INSR: variants seen among roughly 807,000 people sequenced by gnomAD.
The protein encoded by INSR is IR.
Under a neutral mutation model 142.6 loss-of-function variants are expected in INSR, and 67 were observed. The observed-to-expected ratio is 0.47, with a 90% CI of 0.39 to 0.58. The LOEUF (loss-of-function observed/expected upper bound fraction) is 0.58, where lower values mean the gene tolerates loss of function less well. Among genes scored for constraint, INSR ranks in the 20% least tolerant of loss-of-function variants. The pLI is 0.00. For missense variants in INSR, 1,248 were observed against 1,833.2 expected, an observed-to-expected ratio of 0.68 and a Z score of 5.83; for synonymous variants, 756 against 743.1, an observed-to-expected ratio of 1.02 and a Z score of -0.28.
intron 2 of INSR, among the ~76,000 whole-genome samples, chr19:7,207,410 C>G (rs893426687): frequency 6.6e-6 from 1 of 151,536 alleles, no homozygotes; most frequent in Non-Finnish European, 1.5e-5. Flanking sequence ...GAGTGAGACT[C>G]CATCTCAAAA....
At chr19:7,160,494 T>C (rs1033685955) in intron 9 of INSR, among the ~76,000 whole-genome samples, 1 of 152,022 alleles carries the variant, frequency 6.6e-6, no homozygotes, top group South Asian at 2.1e-4. Flanking sequence ...CTCAGGCCTG[T>C]AGTCCTGTGT....
intron 13 of INSR, among the ~76,000 whole-genome samples, chr19:7,137,171 G>A (rs1972950303): frequency 6.6e-6 from 1 of 151,724 alleles, no homozygotes; most frequent in African/African-American, 2.4e-5. Context: ...TACTGTTGGA[G>A]TGTAATTTTA....
chr19:7,242,457 C>T (rs1032488746), intron 2 of INSR, among the ~76,000 whole-genome samples: 5 of 151,742 alleles, frequency 3.3e-5, no homozygotes, highest in Non-Finnish European at 7.4e-5. Context: ...AAAGTTCAGC[C>T]GGGTGTGGTG....
At chr19:7,124,145 C>T (rs544392929) in intron 17 of INSR, among the ~76,000 whole-genome samples, 123 of 150,508 alleles carry the variant, frequency 8.2e-4, no homozygotes, top group Non-Finnish European at 1.2e-3. Flanking sequence ...GGGTGGATCA[C>T]GAGGTCAGGA....
intron 1 of INSR, among the ~76,000 whole-genome samples, chr19:7,288,682 G>T (rs1341442325): frequency 6.7e-6 from 1 of 148,678 alleles, no homozygotes; most frequent in Admixed American, 6.7e-5. Context: ...AAAAAAAAGG[G>T]CCGGACACGG....
Position 7,184,655 on chromosome 19 carries a change from GA to G in INSR, c.653-19del. 2.1e-6 allele frequency: 3 copies of G among 1,458,260 alleles called. No individual in the cohort carries two copies. The highest frequency in any genetic ancestry group is 2.8e-6 in the Non-Finnish European group (3 of 1,064,802). The allele number at this position is 1,458,260 out of a possible 1,614,324, so 90.3% of individuals were successfully genotyped here. Reference sequence around the variant, plus strand: ...CGGGCAAACTGGAGAGAGAGAGAGAGAGAGAGGGAAATAAATAAATAAATAA... The same window carrying G: ...CGGGCAAACTGGAGAGAGAGAGAGAGGAGAGGGAAATAAATAAATAAATAA... On this transcript the variant is annotated intron_variant, in intron 2 of 21. Coordinates refer to ENST00000302850, the MANE Select transcript of INSR (RefSeq NM_000208.4).
In INSR at chr19:7,119,703, CAT is replaced by C. The variant is rs2144796776; in HGVS notation, c.3660-122_3660-121del. On this transcript the variant is annotated intron_variant, in intron 20 of 21. Transcript: ENST00000302850. The surrounding 1 kb of genome is among the most constrained non-coding windows in gnomAD (Gnocchi z 5.2). ...ACGCAAACACACATGCCAACACATA[CAT>C]GCAAACACACACATGCAAACACACA... 9.1e-7 allele frequency: 1 copy of C among 1,098,728 alleles called. No homozygotes were observed. The allele number at this position is 1,098,728 out of a possible 1,614,324, so 68.1% of individuals were successfully genotyped here.
At chr19:7,190,675 T>C (rs1974558073) in intron 2 of INSR, among the ~76,000 whole-genome samples, 1 of 152,180 alleles carries the variant, frequency 6.6e-6, no homozygotes, top group Non-Finnish European at 1.5e-5. Flanking sequence ...CAACCAATTC[T>C]TTGAAGACTA....
chr19:7,256,373 C>T (rs1048316890), intron 2 of INSR, among the ~76,000 whole-genome samples: 8 of 152,200 alleles, frequency 5.3e-5, no homozygotes, highest in East Asian at 1.9e-4. Flanking sequence ...CACTTGAACC[C>T]GGGAGGCAGG....
At chr19:7,153,212 ACC>A (rs2144895617) in intron 9 of INSR, among the ~76,000 whole-genome samples, 5 of 49,138 alleles carry the variant, frequency 1.0e-4, no homozygotes, top group East Asian at 3.7e-4. Flanking sequence ...CACACCACAC[ACC>A]ACACACACGC....
At chr19:7,171,835 G>A (rs1399040725) in intron 5 of INSR, among the ~76,000 whole-genome samples, 3 of 151,330 alleles carry the variant, frequency 2.0e-5, no homozygotes, top group African/African-American at 7.3e-5. Flanking sequence ...TTTTCCCGAG[G>A]TTTTGCCAGA....
intron 2 of INSR, among the ~76,000 whole-genome samples, chr19:7,240,045 T>A (rs1035105841): frequency 2.0e-5 from 3 of 152,164 alleles, no homozygotes; most frequent in African/African-American, 7.2e-5. Flanking sequence ...AAAGACTAGA[T>A]CCATTACAGC....
At chr19:7,169,415 C>CA (rs36098859) in intron 6 of INSR, among the ~76,000 whole-genome samples, 40,945 of 145,760 alleles carry the variant, frequency 0.28, 7,377 homozygotes, top group African/African-American at 0.52. Flanking sequence ...ACTAAAAATA[C>CA]AAAAAAAAAA....
chr19:7,222,382 T>C (rs1469518150), intron 2 of INSR, among the ~76,000 whole-genome samples: 2 of 152,060 alleles, frequency 1.3e-5, no homozygotes, highest in Non-Finnish European at 2.9e-5. Flanking sequence ...CCAGCACCCA[T>C]CTGGCTTCCT....
chr19:7,142,010 CTTTT>C (rs796795268), intron 12 of INSR, among the ~76,000 whole-genome samples, 194 bp from the exon 13 acceptor site: 1 of 145,946 alleles, frequency 6.9e-6, no homozygotes, highest in African/African-American at 2.5e-5. Context: ...CTGCGTATAA[CTTTT>C]TTTTTTTTTT....
At chr19:7,164,071 G>C (rs1190089404) in intron 8 of INSR, among the ~76,000 whole-genome samples, 1 of 128,682 alleles carries the variant, frequency 7.8e-6, no homozygotes, top group Non-Finnish European at 1.6e-5. Flanking sequence ...TCCAGCCTGA[G>C]AGACAAGAGT....
At chr19:7,193,447 A>T (rs1974654595) in intron 2 of INSR, among the ~76,000 whole-genome samples, 1 of 149,536 alleles carries the variant, frequency 6.7e-6, no homozygotes, top group Non-Finnish European at 1.5e-5. Flanking sequence ...GGGGAGCGGA[A>T]GTTGCAGTGA....
chr19:7,161,260 A>G (rs1388531452), intron 9 of INSR, among the ~76,000 whole-genome samples: 3 of 150,370 alleles, frequency 2.0e-5, no homozygotes, highest in Non-Finnish European at 4.4e-5. Context: ...ATTTTGTATA[A>G]TTTTTTTTAT....
At chr19:7,274,559 G>A (rs917260283) in intron 1 of INSR, among the ~76,000 whole-genome samples, 32 of 151,976 alleles carry the variant, frequency 2.1e-4, no homozygotes, top group African/African-American at 7.7e-4. Context: ...CCAGCACTTT[G>A]GGAGGCCGAG....
Sources: gnomAD v4.1 joint callset for allele counts (sites outside exome capture counted in the v4.1 genomes callset) on GRCh38, gnomAD v4.1.1 for gene constraint, Gnocchi (gnomAD v3.1) non-coding constraint, MANE v1.5 for transcripts, NCBI Gene and HGNC (gene_info 2026-07-23, HGNC 2026-07-21) for gene names.